Variants in DSP observed in about 807,000 individuals in gnomAD.
The protein encoded by DSP is desmoplakin, also known as 250/210 kDa paraneoplastic pemphigus antigen.
In DSP, 114 loss-of-function variants were observed where a neutral mutation model predicts 290.6. That is an observed-to-expected ratio of 0.39 (90% CI 0.34 to 0.46). The LOEUF (loss-of-function observed/expected upper bound fraction) is 0.46, where lower values mean the gene tolerates loss of function less well. DSP is among the 20% of genes least tolerant of loss of function. DSP has a pLI of 0.99. For synonymous variants in DSP, 1,311 were observed against 1,316.4 expected (o/e 1.00, Z 0.09); for missense variants, 3,230 against 3,495.8 (o/e 0.92, Z 1.92).
chr6:7,571,590 C>G lies in DSP; in HGVS notation c.1903+6C>G. The G allele has an allele frequency of 6.2e-7, 1 of 1,614,054 alleles. No individual in the cohort carries two copies. The highest frequency in any genetic ancestry group is 8.5e-7 in the Non-Finnish European group (1 of 1,179,962). On this transcript the variant is annotated splice_donor_region_variant and intron_variant, in intron 14 of 23. Transcript: ENST00000379802. ...CTATCCCCAGCACCAGACAGGTCGG[C>G]TTGGGACATCTTTCTCTTTGTATCA...
In DSP at chr6:7,581,381, T is replaced by A; in HGVS notation, c.5191T>A (p.Tyr1731Asn). The A allele has an allele frequency of 6.2e-7, 1 of 1,613,816 alleles. No homozygotes were observed. The highest frequency in any genetic ancestry group is 8.5e-7 in the Non-Finnish European group (1 of 1,179,950). ...AGAACTGCGGAACCTGAGGCTGGAG[T>A]ACGATGACCTGAGGAGAGGACGAAG... ...EEELRNLRLEYDDLRRGRSEA... is the reference protein window; with the variant it reads ...EEELRNLRLENDDLRRGRSEA... Residue 1731 changes from tyrosine to asparagine, a missense_variant, in exon 23 of 24, where the codon TAC becomes AAC. By Grantham distance (143) the Tyr-to-Asn change is moderately radical. Around this residue, in one of 5 missense-constraint regions of DSP, gnomAD observed 1,714 missense variants for 1,844.5 expected, o/e 0.93. Coordinates refer to ENST00000379802, the MANE Select transcript of DSP (RefSeq NM_004415.4).
At chr6:7,567,082 T>C (rs544573296) in intron 8 of DSP, among the ~76,000 whole-genome samples, 5 of 152,198 alleles carry the variant, frequency 3.3e-5, no homozygotes, top group Non-Finnish European at 5.9e-5. Flanking sequence ...ACAGTTCTGA[T>C]TGGTCAGTAT....
In DSP at chr6:7,580,871, AAC is replaced by A; in HGVS notation, c.4682_4683del (p.Asn1561IlefsTer65). The A allele has an allele frequency of 6.2e-7, 1 of 1,614,180 alleles. No homozygotes were observed. The highest frequency in any genetic ancestry group is 1.1e-5 in the South Asian group (1 of 91,080). On this transcript the variant is annotated frameshift_variant, in exon 23 of 24. Transcript: ENST00000379802. LOFTEE classifies it high-confidence loss of function. The surrounding 1 kb of genome is among the most constrained non-coding windows in gnomAD (Gnocchi z 4.2). ...GGACCAGGATATCACGCGGTTCCAG[AAC>A]TCTCTGAAAGAGCTGCAGCTGCAGA... ...VKDQDITRFQ[N>X]SLKELQLQKQ...
Position 7,555,725 on chromosome 6 carries a change from G to A in DSP, c.178G>A (p.Gly60Ser), listed in dbSNP as rs982933033. The change falls in exon 2 of 24, where the codon GGC (glycine) becomes AGC (serine). Residue 60 changes from glycine to serine, a missense_variant. By Grantham distance (56) the Gly-to-Ser change is moderately conservative (BLOSUM62 0). This residue lies in a region of DSP where 646 missense variants were observed against 684.3 expected (regional missense o/e 0.94). Transcript: ENST00000379802. ...DQNSDGYCQTGTMSRHQNQNT... is the reference protein window; with the variant it reads ...DQNSDGYCQTSTMSRHQNQNT... Reference sequence around the variant, plus strand: ...CTGTGTTTGCCTCCTTAGTCAAACCGGCACGATGTCCAGGCACCAGAACCA... The same window carrying A: ...CTGTGTTTGCCTCCTTAGTCAAACCAGCACGATGTCCAGGCACCAGAACCA... The A allele has an allele frequency of 1.2e-5, 20 of 1,614,024 alleles. No homozygotes were observed. In the East Asian group the frequency reaches 1.6e-4, roughly 13 times the overall value.
At position 7,583,635 on chromosome 6, in the gene DSP, C is replaced by T. The variant is rs1246415961; in HGVS notation, c.6373C>T (p.Leu2125=). ...LIDRETGMRL[L]EAQIASGGVV... ...TGATAGAGAAACCGGAATGCGCCTGCTGGAAGCCCAGATTGCTTCAGGGGG... is the reference window on the plus strand; with the variant it reads ...TGATAGAGAAACCGGAATGCGCCTGTTGGAAGCCCAGATTGCTTCAGGGGG... Residue 2125 remains leucine, a synonymous_variant, in exon 24 of 24, where the codon CTG becomes TTG. Transcript: ENST00000379802. This position sits in a 1 kb window ranked among gnomAD's most constrained non-coding sequence, Gnocchi z 4.0. 6.2e-7 allele frequency: 1 copy of T among 1,614,138 alleles called. No homozygotes were observed. Among genetic ancestry groups the T allele is most frequent in the South Asian group, 1.1e-5 (1 of 91,074 alleles).
At chr6:7,575,574 GA>G in intron 18 of DSP, 86 bp downstream of exon 18, 1 of 1,523,374 alleles carries the variant, frequency 6.6e-7, no homozygotes, top group Non-Finnish European at 9.0e-7. Flanking sequence ...AACCACTGAA[GA>G]AAACAGAGGT....
intron 15 of DSP, among the ~76,000 whole-genome samples, chr6:7,572,350 A>G (rs949074248): frequency 1.3e-5 from 2 of 152,146 alleles, no homozygotes; most frequent in East Asian, 1.9e-4. Flanking sequence ...AACCTATGAT[A>G]TGGGTTAGAC....
chr6:7,584,062 C>A lies in DSP; in HGVS notation c.6800C>A (p.Thr2267Asn), dbSNP rs1388149780. Residue 2267 changes from threonine (T) to asparagine (N), a missense_variant, in exon 24 of 24, where the codon ACC becomes AAC. Physicochemically the swap from Thr to Asn is moderately conservative, Grantham distance 65. Transcript: ENST00000379802. The surrounding 1 kb of genome is among the most constrained non-coding windows in gnomAD (Gnocchi z 6.4). ...SSCIAGIYNE[T>N]TKQKLGIYEA... ...TGCATAGCAGGCATATACAATGAGA[C>A]CACAAAACAGAAGCTTGGCATTTAT... The A allele has an allele frequency of 1.9e-6, 3 of 1,614,172 alleles. No individual in the cohort carries two copies. The East Asian group carries it at 6.7e-5, about 36-fold the overall frequency.
Position 7,582,920 on chromosome 6 carries a change from A to G in DSP, c.5658A>G (p.Glu1886=). Residue 1886 remains glutamate, a synonymous_variant, in exon 24 of 24, where the codon GAA becomes GAG. Transcript: ENST00000379802. This position sits in a 1 kb window ranked among gnomAD's most constrained non-coding sequence, Gnocchi z 4.2. ...EAIRKIESER[E]KSEREKNSLR... is the part of the protein sequence containing the mutation. ...TTAGGAAGATAGAATCGGAAAGAGA[A>G]AAGAGTGAGAGAGAGAAGAACAGTC... 6.2e-7 allele frequency: 1 copy of G among 1,614,124 alleles called. No homozygotes were observed. Among genetic ancestry groups the G allele is most frequent in the Non-Finnish European group, 8.5e-7 (1 of 1,180,028 alleles).
At chr6:7,577,686 C>A in intron 20 of DSP, 93 bp from the exon 21 acceptor site, 1 of 1,032,094 alleles carries the variant, frequency 9.7e-7, no homozygotes, top group Non-Finnish European at 1.5e-6. Context: ...ATTAGACGTG[C>A]AGCCCAATGA....
At chr6:7,575,591 T>A in intron 18 of DSP, 103 bp downstream of exon 18, 1 of 1,440,358 alleles carries the variant, frequency 6.9e-7, no homozygotes, top group Non-Finnish European at 9.6e-7. Context: ...GAGGTTTTGT[T>A]TTTTGTGTAA....
intron 21 of DSP, among the ~76,000 whole-genome samples, 168 bp downstream of exon 21, chr6:7,578,054 G>A (rs769119885): frequency 5.9e-5 from 9 of 152,148 alleles, no homozygotes; most frequent in Non-Finnish European, 1.2e-4. Context: ...AGCAGGTTAT[G>A]TGCCCTCCAG....
chr6:7,563,080 T>C (rs1758752338), intron 5 of DSP, among the ~76,000 whole-genome samples: 1 of 152,194 alleles, frequency 6.6e-6, no homozygotes, highest in Non-Finnish European at 1.5e-5. Flanking sequence ...GAACATCTTT[T>C]TGAATAGGGG....
rs56148603 is a variant in DSP at position 7,555,830 on chromosome 6, C to T, written c.273+10C>T. 53,079 of 1,612,588 alleles carry T rather than the reference C, an allele frequency of 0.033. 1,038 individuals are homozygous for T. Among genetic ancestry groups the T allele is most frequent in the Non-Finnish European group, 0.04 (47,045 of 1,179,288 alleles). On this transcript the variant is annotated intron_variant, in intron 2 of 23. Transcript: ENST00000379802. ...GCTCATCGTGCAGCCTGTAAGCTTT[C>T]CCTGTTCCCATCGCTTCTCCCAAAG...
intron 12 of DSP, among the ~76,000 whole-genome samples, chr6:7,569,672 T>C (rs1034638810): frequency 6.6e-6 from 1 of 152,096 alleles, no homozygotes; most frequent in Non-Finnish European, 1.5e-5. Flanking sequence ...CTGTCTCTAC[T>C]AAAAATATAA....
chr6:7,561,537 T>C (rs1758692358), intron 4 of DSP, among the ~76,000 whole-genome samples: 1 of 152,174 alleles, frequency 6.6e-6, no homozygotes, highest in Non-Finnish European at 1.5e-5. Flanking sequence ...TTTTCCCGAT[T>C]TGTGTTTGCC....
chr6:7,552,056 A>T (rs1476909999), intron 1 of DSP, among the ~76,000 whole-genome samples: 1 of 152,222 alleles, frequency 6.6e-6, no homozygotes, highest in Admixed American at 6.5e-5. Context: ...AGTTGTGTAT[A>T]TGATGAAATT....
rs1389054710 is a variant in DSP, at chr6:7,585,934, T to G, written c.*56T>G. On this transcript the variant is annotated 3_prime_UTR_variant, in exon 24 of 24. Coordinates refer to ENST00000379802, the MANE Select transcript of DSP (RefSeq NM_004415.4). ...ACTTCATTTATATGAATTTCCACTT[T>G]ATTAAATAATAGAAAAGAAAATCCC... The G allele has an allele frequency of 6.5e-7, 1 of 1,543,814 alleles. No homozygotes were observed. Among genetic ancestry groups the G allele is most frequent in the Non-Finnish European group, 8.9e-7 (1 of 1,123,934 alleles).
intron 1 of DSP, 103 bp from the exon 2 acceptor site, chr6:7,555,615 A>G: frequency 2.2e-6 from 2 of 892,598 alleles, no homozygotes; most frequent in Non-Finnish European, 3.6e-6. Context: ...AGGGTCTCAC[A>G]GGAGTGGTTT....
Sources: gnomAD v4.1 joint callset for allele counts (sites outside exome capture counted in the v4.1 genomes callset) on GRCh38, gnomAD v4.1.1 for gene constraint, gnomAD v4.1.1 regional missense constraint, Gnocchi (gnomAD v3.1) non-coding constraint, MANE v1.5 for transcripts, NCBI Gene and HGNC (gene_info 2026-07-23, HGNC 2026-07-21) for gene names.